KCNH7: variants seen among roughly 807,000 people sequenced by gnomAD.
The protein encoded by KCNH7 is voltage-gated inwardly rectifying potassium channel KCNH7.
KCNH7 carries 49 observed loss-of-function variants against 120.8 expected under a neutral mutation model. The observed-to-expected ratio is 0.41, with a 90% confidence interval of 0.32 to 0.51. The LOEUF (loss-of-function observed/expected upper bound fraction) is 0.51, where lower values mean the gene tolerates loss of function less well. KCNH7 is among the 20% of genes least tolerant of loss of function. The pLI is 0.38. For missense variants in KCNH7, 1,097 were observed against 1,446.6 expected (o/e 0.76, Z 3.92); for synonymous variants, 547 against 516.1 (o/e 1.06, Z -0.81).
chr2:162,615,865 T>C (rs1476390032), intron 2 of KCNH7, among the ~76,000 whole-genome samples: 1 of 152,170 alleles, frequency 6.6e-6, no homozygotes, highest in Admixed American at 6.5e-5. Flanking sequence ...ATTCTCTAAA[T>C]ACACTGGCAA....
chr2:162,572,303 T>C (rs1193914557), intron 2 of KCNH7, among the ~76,000 whole-genome samples: 2 of 147,692 alleles, frequency 1.4e-5, no homozygotes, highest in East Asian at 2.0e-4. Flanking sequence ...AAAATGCTCA[T>C]CATCACTGGC....
chr2:162,451,328 C>T (rs1010688068), intron 6 of KCNH7, among the ~76,000 whole-genome samples: 2 of 151,936 alleles, frequency 1.3e-5, no homozygotes, highest in African/African-American at 4.8e-5. Flanking sequence ...CTGGTTCAAA[C>T]GAACCAACTC....
intron 6 of KCNH7, among the ~76,000 whole-genome samples, chr2:162,478,283 TC>T (rs1689813603): frequency 6.6e-6 from 1 of 152,044 alleles, no homozygotes; most frequent in Non-Finnish European, 1.5e-5. Context: ...ACTCCACCTC[TC>T]CCCAGTTAAT....
At chr2:162,375,031 T>C (rs370907053) in intron 14 of KCNH7, among the ~76,000 whole-genome samples, 2 of 152,310 alleles carry the variant, frequency 1.3e-5, no homozygotes, top group South Asian at 2.1e-4. Context: ...TACATATTTT[T>C]CTTTCATTTC....
rs79270932 is a variant in KCNH7, at chr2:162,626,333, G to A, written c.308-89253C>T. On this transcript the variant is annotated intron_variant, in intron 2 of 15. Coordinates refer to ENST00000332142, the MANE Select transcript of KCNH7 (RefSeq NM_033272.4). ...ACACAACATCTTATAACCATTTTAA[G>A]TCATGTTGAAAATCTCATAAAATAA... Among the ~76,000 whole-genome samples the A allele has an allele frequency of 4.5e-3, 692 of 152,182 alleles. 7 individuals are homozygous for A. The highest frequency in any genetic ancestry group is 0.016 in the African/African-American group (661 of 41,532).
intron 2 of KCNH7, among the ~76,000 whole-genome samples, chr2:162,618,764 T>C (rs970135038): frequency 2.0e-5 from 3 of 152,158 alleles, no homozygotes; most frequent in Non-Finnish European, 4.4e-5. Flanking sequence ...TGATTTTCGA[T>C]ATACACTAGA....
At chr2:162,597,599 T>A (rs1181975564) in intron 2 of KCNH7, among the ~76,000 whole-genome samples, 5 of 152,012 alleles carry the variant, frequency 3.3e-5, no homozygotes. Flanking sequence ...AAGTTTCAGT[T>A]AGGAGGAATA....
chr2:162,425,586 A>G (rs1687832525), intron 8 of KCNH7, among the ~76,000 whole-genome samples: 1 of 152,176 alleles, frequency 6.6e-6, no homozygotes. Context: ...TGGGGAAACA[A>G]TTACGTGTGA....
intron 14 of KCNH7, among the ~76,000 whole-genome samples, chr2:162,378,700 G>A (rs1367304809): frequency 6.6e-5 from 10 of 152,274 alleles, no homozygotes; most frequent in African/African-American, 9.6e-5. Flanking sequence ...GTAAACAACC[G>A]TCATCCCAAA....
At chr2:162,471,797 A>C (rs945274492) in intron 6 of KCNH7, among the ~76,000 whole-genome samples, 1 of 152,228 alleles carries the variant, frequency 6.6e-6, no homozygotes, top group Non-Finnish European at 1.5e-5. Context: ...CTAAGCCAAA[A>C]GAACAAAACT....
intron 1 of KCNH7, 86 bp downstream of exon 1, chr2:162,838,357 C>A (rs891255258): frequency 6.3e-6 from 7 of 1,110,474 alleles, no homozygotes; most frequent in Non-Finnish European, 9.6e-6. Flanking sequence ...CTGGAGTTGC[C>A]GGTCTCCCCA....
intron 2 of KCNH7, among the ~76,000 whole-genome samples, chr2:162,680,403 TG>T (rs1197503471): frequency 6.6e-6 from 1 of 151,742 alleles, no homozygotes; most frequent in African/African-American, 2.4e-5. Context: ...GTTAGATATA[TG>T]TGATGTGCAT....
At chr2:162,416,255 A>G (rs559867422) in intron 9 of KCNH7, among the ~76,000 whole-genome samples, 1 of 151,718 alleles carries the variant, frequency 6.6e-6, no homozygotes, top group Admixed American at 6.6e-5. Flanking sequence ...CGCCTGTAGT[A>G]CCAGCTACTG....
chr2:162,616,758 T>C (rs1223012211), intron 2 of KCNH7, among the ~76,000 whole-genome samples: 1 of 152,204 alleles, frequency 6.6e-6, no homozygotes, highest in Non-Finnish European at 1.5e-5. Flanking sequence ...CTCTGTGACA[T>C]GGGGAAAATG....
chr2:162,512,794 T>G, intron 4 of KCNH7, 120 bp from the exon 5 acceptor site: 1 of 739,074 alleles, frequency 1.4e-6, no homozygotes, highest in Non-Finnish European at 2.2e-6. Flanking sequence ...ATGGAAAATT[T>G]CTCTTTAATT....
intron 2 of KCNH7, among the ~76,000 whole-genome samples, chr2:162,749,138 G>A (rs567015833): frequency 5.5e-4 from 58 of 105,900 alleles, no homozygotes; most frequent in Non-Finnish European, 1.1e-3. Flanking sequence ...CCCTTCCTTT[G>A]CCTCCCCTCC....
intron 2 of KCNH7, among the ~76,000 whole-genome samples, chr2:162,634,710 T>C (rs1020795771): frequency 5.9e-5 from 9 of 151,988 alleles, no homozygotes; most frequent in African/African-American, 2.2e-4. Flanking sequence ...TGCTTGGCTA[T>C]AGACAGAGTC....
intron 8 of KCNH7, among the ~76,000 whole-genome samples, chr2:162,430,361 A>T (rs1340186498): frequency 6.6e-6 from 1 of 152,086 alleles, no homozygotes; most frequent in Non-Finnish European, 1.5e-5. Flanking sequence ...TCATAAGTAG[A>T]TTCAAAAGGA....
At position 162,396,852 on chromosome 2, in the gene KCNH7, T is replaced by C. The variant is rs774072446; in HGVS notation, c.2501A>G (p.His834Arg). ...DVRALTYCDL[H>R]KIQREDLLEV... ...TAACAAGTCTTCTCGCTGAATCTTA[T>C]GCAAGTCACAGTATGTGAGGGCTCT... is the stretch of plus-strand genomic sequence containing the variant. Residue 834 changes from histidine to arginine, a missense_variant, in exon 11 of 16, where the codon CAT (histidine) becomes CGT (arginine). By Grantham distance (29) the His-to-Arg change is conservative (BLOSUM62 0). Coordinates refer to ENST00000332142, the MANE Select transcript of KCNH7 (RefSeq NM_033272.4). 3.1e-6 allele frequency: 5 copies of C among 1,611,780 alleles called. No homozygotes were observed. Among genetic ancestry groups the C allele is most frequent in the East Asian group, 4.5e-5 (2 of 44,730 alleles).
Sources: gnomAD v4.1 joint callset for allele counts (sites outside exome capture counted in the v4.1 genomes callset) on GRCh38, gnomAD v4.1.1 for gene constraint, MANE v1.5 for transcripts, NCBI Gene and HGNC (gene_info 2026-07-23, HGNC 2026-07-21) for gene names.